The following QTGAL variants were observed in gnomAD, a reference collection of about 807,000 sequenced individuals.
The protein encoded by QTGAL is queuosine-tRNA galactosyltransferase.
At chr17:83,019,828 G>T in the QTGAL span, among the ~76,000 whole-genome samples, 1 of 152,036 alleles carries the variant, frequency 6.6e-6, no homozygotes, top group African/African-American at 2.4e-5. Context: ...CCTTCTCCCA[G>T]GTTCAAGCGA....
the QTGAL span, among the ~76,000 whole-genome samples, chr17:82,965,901 C>T: frequency 1.3e-5 from 2 of 151,942 alleles, no homozygotes; most frequent in Admixed American, 6.6e-5. Flanking sequence ...ACCACGGGGC[C>T]GACGTGTCCC....
At chr17:82,950,128 G>A in the QTGAL span, among the ~76,000 whole-genome samples, 1 of 152,228 alleles carries the variant, frequency 6.6e-6, no homozygotes, top group Non-Finnish European at 1.5e-5. Flanking sequence ...CATGTGCTGT[G>A]AGGCCACACT....
chr17:82,986,599 T>G, the QTGAL span, among the ~76,000 whole-genome samples: 1 of 152,234 alleles, frequency 6.6e-6, no homozygotes, highest in East Asian at 1.9e-4. Context: ...GAATAGAACT[T>G]GAAAGCTGGT....
the QTGAL span, among the ~76,000 whole-genome samples, chr17:83,028,089 C>T: frequency 4.3e-4 from 65 of 152,202 alleles, 1 homozygote; most frequent in East Asian, 0.011. Context: ...CCAGCCTGAG[C>T]GACAGAGTAA....
chr17:83,035,186 T>C, the QTGAL span: 1 of 1,207,754 alleles, frequency 8.3e-7, no homozygotes, highest in Non-Finnish European at 1.2e-6. Context: ...GATATTCTTT[T>C]TTTTTTTTTC....
the QTGAL span, among the ~76,000 whole-genome samples, chr17:83,015,645 G>A: frequency 6.6e-6 from 1 of 152,332 alleles, no homozygotes; most frequent in East Asian, 1.9e-4. The surrounding 1 kb of genome is among the most constrained non-coding windows in gnomAD (Gnocchi z 4.4). Context: ...GGCTGGTGCC[G>A]CGCCATGGAC....
the QTGAL span, among the ~76,000 whole-genome samples, chr17:82,950,134 A>G: frequency 6.6e-6 from 1 of 152,228 alleles, no homozygotes; most frequent in Non-Finnish European, 1.5e-5. Context: ...CTGTGAGGCC[A>G]CACTGCCAGC....
At chr17:82,974,983 C>T in the QTGAL span, among the ~76,000 whole-genome samples, 1 of 103,598 alleles carries the variant, frequency 9.7e-6, no homozygotes, top group African/African-American at 5.7e-5. Flanking sequence ...AGAGTCAGGG[C>T]CCCGGGACAG....
the QTGAL span, among the ~76,000 whole-genome samples, chr17:82,950,864 G>A: frequency 6.6e-6 from 1 of 152,200 alleles, no homozygotes; most frequent in African/African-American, 2.4e-5. Context: ...CAACCGTGCT[G>A]TGCACAGATG....
chr17:82,950,841 T>TA, the QTGAL span, among the ~76,000 whole-genome samples: 174 of 152,312 alleles, frequency 1.1e-3, no homozygotes, highest in African/African-American at 4.1e-3. Flanking sequence ...ACGGTGGGCT[T>TA]ACACTATTCC....
the QTGAL span, chr17:83,035,084 T>C: frequency 1.9e-6 from 3 of 1,612,672 alleles, no homozygotes; most frequent in Non-Finnish European, 2.5e-6. Flanking sequence ...AACTGCTTGA[T>C]TTTTAGCGTA....
At chr17:82,970,562 A>AGG in the QTGAL span, among the ~76,000 whole-genome samples, 9 of 129,354 alleles carry the variant, frequency 7.0e-5, no homozygotes, top group Admixed American at 2.6e-4. Flanking sequence ...CGTGGCCGCG[A>AGG]CCTCCGCACC....
At chr17:82,946,007 G>A in the QTGAL span, 1 of 152,176 alleles carries the variant, frequency 6.6e-6, no homozygotes, top group African/African-American at 2.4e-5. Flanking sequence ...AGAGTTGGTG[G>A]CTGAATTTAG....
At chr17:83,050,433 G>C in the QTGAL span, among the ~76,000 whole-genome samples, 1 of 152,004 alleles carries the variant, frequency 6.6e-6, no homozygotes, top group Non-Finnish European at 1.5e-5. Flanking sequence ...ATTTACCTTA[G>C]TTTGGATTTA....
chr17:83,031,837 CA>C, the QTGAL span, among the ~76,000 whole-genome samples: 1 of 152,262 alleles, frequency 6.6e-6, no homozygotes, highest in Non-Finnish European at 1.5e-5. Context: ...GCCCTCTGCA[CA>C]TACTGGATCC....
At chr17:82,961,365 C>G in the QTGAL span, 2 of 387,626 alleles carry the variant, frequency 5.2e-6, no homozygotes, top group East Asian at 6.9e-5. Flanking sequence ...CGTGAGCAAC[C>G]GAGCTTCTCC....
the QTGAL span, among the ~76,000 whole-genome samples, chr17:82,973,951 AC>A: frequency 6.0e-5 from 9 of 151,246 alleles, no homozygotes; most frequent in Non-Finnish European, 8.9e-5. Context: ...GTGTGTTCCC[AC>A]CCCGCCTGCC....
At chr17:83,031,392 C>T in the QTGAL span, among the ~76,000 whole-genome samples, 2 of 152,162 alleles carry the variant, frequency 1.3e-5, no homozygotes, top group East Asian at 1.9e-4. Flanking sequence ...GTAAACTCAG[C>T]GACGGCCGCC....
At chr17:82,970,648 T>TGGACGCGACCTCCGCACCCAGC in the QTGAL span, among the ~76,000 whole-genome samples, 4 of 33,536 alleles carry the variant, frequency 1.2e-4, no homozygotes, top group African/African-American at 5.1e-4. Context: ...CCGCACCCGG[T>TGGACGCGACCTCCGCACCCAGC]GTGGCCGCGA....
Sources: gnomAD v4.1 joint callset for allele counts (sites outside exome capture counted in the v4.1 genomes callset) on GRCh38, gnomAD v4.1.1 for gene constraint, Gnocchi (gnomAD v3.1) non-coding constraint, MANE v1.5 for transcripts, NCBI Gene and HGNC (gene_info 2026-07-23, HGNC 2026-07-21) for gene names.